The following SPON1 variants were observed in gnomAD, a reference collection of about 807,000 sequenced individuals.
SPON1 encodes spondin-1.
In SPON1, 52 loss-of-function variants were observed where a neutral mutation model predicts 111.7. The observed-to-expected ratio is 0.47, with a 90% confidence interval of 0.37 to 0.59. The LOEUF is 0.59. Ranked by LOEUF, SPON1 falls within the 20% of genes least tolerant of loss-of-function variation. The probability of loss-of-function intolerance (pLI) is 0.00; values close to 1 mark genes in which losing one functional copy is unlikely to be tolerated. For synonymous variants in SPON1, 410 were observed against 395.8 expected, an observed-to-expected ratio of 1.04 and a Z score of -0.43; for missense variants, 957 against 1,068.5, an observed-to-expected ratio of 0.90 and a Z score of 1.46.
At chr11:14,148,833 G>T (rs1348799061) in intron 6 of SPON1, among the ~76,000 whole-genome samples, 3 of 152,120 alleles carry the variant, frequency 2.0e-5, no homozygotes, top group African/African-American at 7.2e-5. Flanking sequence ...TTTAGAGCTG[G>T]ACTTTTCAAT....
chr11:14,162,085 G>A (rs1554931422), intron 6 of SPON1, among the ~76,000 whole-genome samples: 1 of 150,808 alleles, frequency 6.6e-6, no homozygotes, highest in African/African-American at 2.4e-5. Context: ...TTGAACCCGG[G>A]AGGCAGAGGT....
intron 2 of SPON1, among the ~76,000 whole-genome samples, chr11:14,018,377 C>T (rs1848457938): frequency 6.6e-6 from 1 of 152,144 alleles, no homozygotes; most frequent in Non-Finnish European, 1.5e-5. Context: ...AGGATAGATT[C>T]AAACAACATT....
intron 7 of SPON1, among the ~76,000 whole-genome samples, chr11:14,246,539 A>G (rs1237495395): frequency 1.3e-5 from 2 of 152,192 alleles, no homozygotes; most frequent in Non-Finnish European, 2.9e-5. Context: ...ATACCTGCCA[A>G]TGAGCCTTCT....
intron 2 of SPON1, among the ~76,000 whole-genome samples, chr11:14,016,485 A>C (rs1247435735): frequency 6.6e-6 from 1 of 152,234 alleles, no homozygotes; most frequent in Non-Finnish European, 1.5e-5. Context: ...CCATGTAACT[A>C]TAGCATTGAT....
At chr11:14,099,928 T>C (rs181144752) in intron 5 of SPON1, among the ~76,000 whole-genome samples, 12 of 152,152 alleles carry the variant, frequency 7.9e-5, no homozygotes, top group African/African-American at 2.6e-4. Context: ...CCAGATCTCC[T>C]GTGAACTACC....
chr11:14,106,598 A>G (rs1317770918), intron 5 of SPON1, among the ~76,000 whole-genome samples: 3 of 152,216 alleles, frequency 2.0e-5, no homozygotes, highest in African/African-American at 2.4e-5. Context: ...TTGAAAGTGA[A>G]GCATGAGTCC....
In SPON1 at chr11:14,102,290, A is replaced by G. The variant is rs984117186; in HGVS notation, c.676+22269A>G. On this transcript the variant is annotated intron_variant, in intron 5 of 15. Transcript: ENST00000576479. The stretch of plus-strand genomic sequence containing the variant: ...TGTAATTTCAAGTGTTCTAATAGCC[A>G]TATTAAAAAAATTAAACAGAAGCAA... Among the ~76,000 whole-genome samples, 3 of 152,220 alleles carry G rather than the reference A, an allele frequency of 2.0e-5. No homozygotes were observed. The South Asian group carries it at 6.2e-4, about 32-fold the overall frequency.
At chr11:14,086,525 A>T (rs912596769) in intron 5 of SPON1, among the ~76,000 whole-genome samples, 2 of 152,054 alleles carry the variant, frequency 1.3e-5, no homozygotes, top group Admixed American at 6.5e-5. Context: ...AAGCTTTTTG[A>T]TGTGCTGCTG....
intron 6 of SPON1, among the ~76,000 whole-genome samples, chr11:14,219,187 C>T (rs1213099288): frequency 6.6e-6 from 1 of 152,226 alleles, no homozygotes; most frequent in Non-Finnish European, 1.5e-5. Flanking sequence ...TAGATTTCTT[C>T]TTTCACACAT....
intron 11 of SPON1, among the ~76,000 whole-genome samples, chr11:14,258,818 G>T (rs1554941526): frequency 6.6e-6 from 1 of 152,194 alleles, no homozygotes; most frequent in African/African-American, 2.4e-5. Flanking sequence ...AAACAGGCGG[G>T]AGGAAAGCTG....
chr11:13,976,184 G>A (rs550785660), intron 1 of SPON1, among the ~76,000 whole-genome samples: 33 of 152,228 alleles, frequency 2.2e-4, no homozygotes, highest in East Asian at 1.7e-3. Flanking sequence ...TCAGTTCCCC[G>A]GATGTACTCA....
chr11:14,046,771 A>T (rs1554917881), intron 3 of SPON1, among the ~76,000 whole-genome samples: 1 of 152,226 alleles, frequency 6.6e-6, no homozygotes, highest in Non-Finnish European at 1.5e-5. Context: ...TGGGATTTCG[A>T]ATGGCTTTGC....
At position 14,262,587 on chromosome 11, in the gene SPON1, G is replaced by T. The variant is rs888224538; in HGVS notation, c.1997-125G>T. ...CTTTGGAGCCTCAGTTTCTTCTTCT[G>T]TAAAATAGCATGACACAGCACCTGC... On this transcript the variant is annotated intron_variant, in intron 14 of 15. Coordinates refer to ENST00000576479, the MANE Select transcript of SPON1 (RefSeq NM_006108.4). 66 of 1,295,694 alleles carry T rather than the reference G, an allele frequency of 5.1e-5. No individual in the cohort carries two copies. In the African/African-American group the frequency reaches 9.4e-4, roughly 19 times the overall value. 80.3% of individuals were successfully genotyped at this position (1,295,694 alleles called of 1,614,324 possible). A position where few individuals can be genotyped will look rare whatever the true frequency, so the allele number is the denominator to read the frequency against.
At chr11:14,253,138 G>A (rs1849069747) in intron 7 of SPON1, among the ~76,000 whole-genome samples, 2 of 152,190 alleles carry the variant, frequency 1.3e-5, no homozygotes, top group South Asian at 2.1e-4. Context: ...CTTGTCAATC[G>A]ACGGATGCCA....
At chr11:14,215,857 C>T (rs948349868) in intron 6 of SPON1, among the ~76,000 whole-genome samples, 1 of 152,210 alleles carries the variant, frequency 6.6e-6, no homozygotes, top group Admixed American at 6.5e-5. Context: ...ATCCAGCATG[C>T]TTTGTCTACT....
chr11:14,025,359 C>A (rs1207141080), intron 2 of SPON1, among the ~76,000 whole-genome samples: 2 of 152,184 alleles, frequency 1.3e-5, no homozygotes, highest in African/African-American at 2.4e-5. Flanking sequence ...AAATATTGAT[C>A]AAGTATATAT....
intron 2 of SPON1, among the ~76,000 whole-genome samples, chr11:14,027,297 C>T (rs781922439): frequency 1.3e-5 from 2 of 152,180 alleles, no homozygotes; most frequent in Non-Finnish European, 2.9e-5. Context: ...TTGGGGCACA[C>T]GGGGTCTTTC....
chr11:14,221,935 G>A (rs1209167309), intron 6 of SPON1, among the ~76,000 whole-genome samples: 1 of 152,196 alleles, frequency 6.6e-6, no homozygotes, highest in Admixed American at 6.5e-5. Flanking sequence ...CCAGCCCTCA[G>A]TGAAGATGTT....
chr11:14,057,953 G>T (rs1335095622), intron 3 of SPON1, among the ~76,000 whole-genome samples: 1 of 152,080 alleles, frequency 6.6e-6, no homozygotes, highest in Non-Finnish European at 1.5e-5. Flanking sequence ...GAAGATAGAG[G>T]CTGCAGAGAG....
Sources: gnomAD v4.1 joint callset for allele counts (sites outside exome capture counted in the v4.1 genomes callset) on GRCh38, gnomAD v4.1.1 for gene constraint, MANE v1.5 for transcripts, NCBI Gene and HGNC (gene_info 2026-07-23, HGNC 2026-07-21) for gene names.